The following MCUB variants were observed in gnomAD, a reference collection of about 807,000 sequenced individuals.
MCUB encodes mitochondrial calcium uniporter dominant negative subunit beta, also known as calcium uniporter regulatory subunit MCUb, mitochondrial.
MCUB carries 46 observed loss-of-function variants against 41.4 expected under a neutral mutation model. That is an observed-to-expected ratio of 1.11 (90% CI 0.88 to 1.42). The LOEUF (loss-of-function observed/expected upper bound fraction) is 1.42. Among genes scored for constraint, MCUB ranks in the 40% most tolerant of loss-of-function variants. The pLI, the probability that MCUB is intolerant of heterozygous loss-of-function variation, is 0.00. For missense variants in MCUB, 403 were observed against 404.9 expected (o/e 1.00, Z 0.04); for synonymous variants, 148 against 148.2 (o/e 1.00, Z 0.01).
rs150862677 is a variant in MCUB at position 109,567,264 on chromosome 4, A to G, written c.99+6828A>G. ...CTAAAGATGAATTTGCTTATTTTCA[A>G]CCTCTTGGGCGTAACAGTAAATAAT... is the stretch of plus-strand genomic sequence containing the variant. On this transcript the variant is annotated intron_variant, in intron 1 of 7. Transcript: ENST00000394650. 2.1e-3 allele frequency among the ~76,000 whole-genome samples: 317 copies of G among 152,120 alleles called. 2 individuals carry two copies. The highest frequency in any genetic ancestry group is 6.9e-3 in the African/African-American group (288 of 41,500).
intron 3 of MCUB, among the ~76,000 whole-genome samples, chr4:109,661,901 T>C: frequency 6.6e-6 from 1 of 152,114 alleles, no homozygotes; most frequent in East Asian, 1.9e-4. Context: ...GGTGTAGTGT[T>C]GCATACCTGT....
chr4:109,577,231 G>C (rs1292594729), intron 1 of MCUB, among the ~76,000 whole-genome samples: 1 of 152,200 alleles, frequency 6.6e-6, no homozygotes, highest in Non-Finnish European at 1.5e-5. Flanking sequence ...CCTCAGTCCA[G>C]GTTAAAACTT....
At chr4:109,563,505 A>G (rs761773437) in intron 1 of MCUB, among the ~76,000 whole-genome samples, 11 of 152,222 alleles carry the variant, frequency 7.2e-5, no homozygotes, top group Non-Finnish European at 1.6e-4. Context: ...AACTAACTTC[A>G]GAGCCCTCTC....
intron 4 of MCUB, among the ~76,000 whole-genome samples, chr4:109,674,829 T>A (rs1729536912): frequency 6.6e-6 from 1 of 152,276 alleles, no homozygotes. Context: ...TAAGCACTCA[T>A]GCAAAGGTAA....
intron 1 of MCUB, among the ~76,000 whole-genome samples, chr4:109,570,115 C>T (rs2126124255): frequency 6.6e-6 from 1 of 152,206 alleles, no homozygotes; most frequent in East Asian, 1.9e-4. Context: ...TCCTGATTAC[C>T]TAGATGAAAA....
chr4:109,569,109 C>T (rs1483219538), intron 1 of MCUB, among the ~76,000 whole-genome samples: 4 of 152,108 alleles, frequency 2.6e-5, no homozygotes, highest in East Asian at 1.9e-4. Context: ...TGCAGTGACA[C>T]GATCTTGGCT....
chr4:109,643,767 G>A (rs1340664550), intron 1 of MCUB, among the ~76,000 whole-genome samples: 1 of 152,154 alleles, frequency 6.6e-6, no homozygotes, highest in Non-Finnish European at 1.5e-5. Flanking sequence ...GCCTCCCAAA[G>A]TGCTGGGATT....
At chr4:109,563,171 C>T (rs931464902) in intron 1 of MCUB, among the ~76,000 whole-genome samples, 6 of 152,206 alleles carry the variant, frequency 3.9e-5, no homozygotes, top group Non-Finnish European at 8.8e-5. Flanking sequence ...CCTAAATGTG[C>T]CTTTCTTAAT....
intron 1 of MCUB, among the ~76,000 whole-genome samples, chr4:109,599,609 C>A (rs929926694): frequency 2.0e-5 from 3 of 152,018 alleles, no homozygotes; most frequent in South Asian, 4.2e-4. Flanking sequence ...GGTAGTCTGG[C>A]CCTAGAGAAA....
intron 4 of MCUB, among the ~76,000 whole-genome samples, chr4:109,682,076 T>C (rs1353793394): frequency 2.3e-4 from 4 of 17,658 alleles, no homozygotes; most frequent in South Asian, 2.7e-3. Context: ...GTGAGTTCTC[T>C]GGTTGGGTGT....
chr4:109,634,844 T>G (rs1352992112), intron 1 of MCUB, among the ~76,000 whole-genome samples: 2 of 152,218 alleles, frequency 1.3e-5, no homozygotes, highest in East Asian at 3.8e-4. Flanking sequence ...GGGATACATG[T>G]GCAGAACATG....
intron 1 of MCUB, among the ~76,000 whole-genome samples, chr4:109,621,847 A>C (rs769650068): frequency 6.6e-6 from 1 of 152,198 alleles, no homozygotes; most frequent in Admixed American, 6.5e-5. Context: ...CATAGAAAAC[A>C]TGAAACTTAT....
chr4:109,685,726 G>T, intron 7 of MCUB, among the ~76,000 whole-genome samples: 1 of 152,220 alleles, frequency 6.6e-6, no homozygotes, highest in Non-Finnish European at 1.5e-5. Context: ...TGTCCCTAAA[G>T]ATAGAAGAAT....
intron 1 of MCUB, among the ~76,000 whole-genome samples, chr4:109,575,899 A>T (rs1267266993): frequency 6.6e-6 from 1 of 152,082 alleles, no homozygotes; most frequent in African/African-American, 2.4e-5. Context: ...TTTCCTGGGA[A>T]CCTTTTCACT....
At chr4:109,676,310 G>A (rs910647576) in intron 4 of MCUB, among the ~76,000 whole-genome samples, 6 of 152,224 alleles carry the variant, frequency 3.9e-5, no homozygotes, top group African/African-American at 1.4e-4. Context: ...AGGCTGAGGC[G>A]GGTGGATCAC....
At chr4:109,628,463 T>C (rs1728408384) in intron 1 of MCUB, among the ~76,000 whole-genome samples, 1 of 152,196 alleles carries the variant, frequency 6.6e-6, no homozygotes. Flanking sequence ...TGGGGAATGA[T>C]TGCAGAGGGC....
chr4:109,638,273 C>T (rs1728637934), intron 1 of MCUB, among the ~76,000 whole-genome samples: 1 of 152,186 alleles, frequency 6.6e-6, no homozygotes, highest in Non-Finnish European at 1.5e-5. Context: ...AGGAGGATCA[C>T]TTGAACCCAG....
intron 1 of MCUB, among the ~76,000 whole-genome samples, chr4:109,580,562 G>A (rs1236212098): frequency 2.6e-5 from 4 of 152,122 alleles, no homozygotes; most frequent in Non-Finnish European, 5.9e-5. Flanking sequence ...ACTTTTTAAT[G>A]ATTGCCATTC....
At chr4:109,579,783 A>T (rs1727125912) in intron 1 of MCUB, among the ~76,000 whole-genome samples, 1 of 152,218 alleles carries the variant, frequency 6.6e-6, no homozygotes, top group South Asian at 2.1e-4. Flanking sequence ...TATCCAGAGA[A>T]TGAGTCAAAA....
Sources: allele counts gnomAD v4.1 joint callset (sites outside exome capture counted in the v4.1 genomes callset), GRCh38; gene constraint gnomAD v4.1.1; transcripts MANE v1.5; gene names NCBI Gene and HGNC (gene_info 2026-07-23, HGNC 2026-07-21).